Variants in SPNS3 observed in about 807,000 individuals in gnomAD.
SPNS3 encodes protein spinster homolog 3.
In SPNS3, 51 loss-of-function variants were observed where a neutral mutation model predicts 54.4. The observed-to-expected ratio is 0.94, with a 90% CI of 0.75 to 1.18. The LOEUF (loss-of-function observed/expected upper bound fraction) is 1.18. SPNS3 is among the 50% of genes most tolerant of loss of function. SPNS3 has a pLI of 0.00. For missense variants in SPNS3, 669 were observed against 677.4 expected, an observed-to-expected ratio of 0.99 and a Z score of 0.14; for synonymous variants, 309 against 294.7, an observed-to-expected ratio of 1.05 and a Z score of -0.50.
chr17:4,445,261 T>A, intron 3 of SPNS3, 93 bp downstream of exon 3: 1 of 1,313,098 alleles, frequency 7.6e-7, no homozygotes, highest in Non-Finnish European at 1.0e-6. Flanking sequence ...TGGGGACAAT[T>A]CTGCTCCATT....
chr17:4,435,837 C>A (rs1970703014), intron 1 of SPNS3, among the ~76,000 whole-genome samples: 2 of 152,202 alleles, frequency 1.3e-5, no homozygotes, highest in South Asian at 4.1e-4. Flanking sequence ...GAGGCTGAGG[C>A]AGGACAGTCG....
chr17:4,436,108 C>A (rs1426672052), intron 1 of SPNS3, among the ~76,000 whole-genome samples: 2 of 152,174 alleles, frequency 1.3e-5, no homozygotes. Context: ...ATGACCATCT[C>A]ATGGGGCAGA....
At chr17:4,453,925 A>G (rs898542337) in intron 8 of SPNS3, among the ~76,000 whole-genome samples, 2 of 151,932 alleles carry the variant, frequency 1.3e-5, no homozygotes, top group African/African-American at 4.8e-5. Context: ...ATCCCATCAC[A>G]CCCCTTCATG....
intron 2 of SPNS3, among the ~76,000 whole-genome samples, chr17:4,443,404 A>T (rs908387835): frequency 6.6e-6 from 1 of 152,236 alleles, no homozygotes; most frequent in South Asian, 2.1e-4. Flanking sequence ...GATAAAGAAG[A>T]TATGCATAAA....
At chr17:4,469,782 C>A (rs1392162103) in intron 8 of SPNS3, among the ~76,000 whole-genome samples, 2 of 152,124 alleles carry the variant, frequency 1.3e-5, no homozygotes, top group African/African-American at 4.8e-5. Context: ...TCAGTCAAGG[C>A]TGTGAATGCG....
intron 9 of SPNS3, among the ~76,000 whole-genome samples, chr17:4,481,028 C>T (rs1248259800): frequency 1.3e-5 from 2 of 152,066 alleles, no homozygotes; most frequent in Non-Finnish European, 2.9e-5. Context: ...GGGGCAGATG[C>T]CAGCTTGGAG....
chr17:4,448,218 C>G lies in SPNS3; in HGVS notation c.685C>G (p.Arg229Gly). 1 of 1,604,408 alleles carries G rather than the reference C, an allele frequency of 6.2e-7. No homozygotes were observed. Among genetic ancestry groups the G allele is most frequent in the Middle Eastern group, 1.7e-4 (1 of 6,036 alleles). ...LLILLVPDPP[R>G]GAAETQGEGA... ...TATCCTGCTGGTTCCAGACCCACCC[C>G]GGGGAGCTGCCGAGACACAGGGGGA... is the stretch of plus-strand genomic sequence containing the variant. Residue 229 changes from arginine to glycine, a missense_variant, in exon 6 of 12, where the codon CGG becomes GGG. By Grantham distance (125) the Arg-to-Gly change is moderately radical. Coordinates refer to ENST00000355530, the MANE Select transcript of SPNS3 (RefSeq NM_182538.5).
chr17:4,449,379 C>T lies in SPNS3; in HGVS notation c.915C>T (p.Asn305=). 6.3e-7 allele frequency: 1 copy of T among 1,597,328 alleles called. No homozygotes were observed. The highest frequency in any genetic ancestry group is 8.5e-7 in the Non-Finnish European group (1 of 1,176,696). ...CCTGCTTCCAGGAGCCGTGCAGCAA[C>T]CCCGACAGGTGAGGGCATCCGGGGG... ...QPPCFQEPCS[N]PDSLIFGALT... The change falls in exon 7 of 12, where the codon AAC becomes AAT. Residue 305 remains asparagine (N), a synonymous_variant. Coordinates refer to ENST00000355530, the MANE Select transcript of SPNS3 (RefSeq NM_182538.5).
At chr17:4,487,674 A>C in intron 11 of SPNS3, 132 bp from the exon 12 acceptor site, 2 of 804,042 alleles carry the variant, frequency 2.5e-6, no homozygotes. Context: ...GGTGATGACA[A>C]GGGGTTGGAT....
At position 4,434,081 on chromosome 17, in the gene SPNS3, C is replaced by A; in HGVS notation, c.114C>A (p.Ser38Arg). 1 of 1,612,236 alleles carries A rather than the reference C, an allele frequency of 6.2e-7. No homozygotes were observed. Among genetic ancestry groups the A allele is most frequent in the African/African-American group, 1.3e-5 (1 of 74,986 alleles). ...CPPPITPTSW[S>R]LPPWRAYVAA... is the part of the protein sequence containing the mutation. ...CTCCCATCACGCCCACCTCCTGGAG[C>A]CTGCCCCCGTGGAGGGCCTACGTGG... The change falls in exon 1 of 12, where the codon AGC becomes AGA. Residue 38 changes from serine to arginine, a missense_variant. Physicochemically the swap from Ser to Arg is moderately radical, Grantham distance 110. Coordinates refer to ENST00000355530, the MANE Select transcript of SPNS3 (RefSeq NM_182538.5).
At chr17:4,481,802 T>C (rs1376182452) in intron 9 of SPNS3, among the ~76,000 whole-genome samples, 1 of 151,906 alleles carries the variant, frequency 6.6e-6, no homozygotes, top group Non-Finnish European at 1.5e-5. Flanking sequence ...AACTCACACC[T>C]GCGTCCTGCA....
chr17:4,440,232 A>G (rs1166412282), intron 2 of SPNS3, among the ~76,000 whole-genome samples: 4 of 152,182 alleles, frequency 2.6e-5, no homozygotes, highest in African/African-American at 9.6e-5. Context: ...GTCCCATCGC[A>G]ACATCAGAGC....
At chr17:4,438,246 C>T (rs562825814) in intron 1 of SPNS3, among the ~76,000 whole-genome samples, 1 of 152,326 alleles carries the variant, frequency 6.6e-6, no homozygotes, top group African/African-American at 2.4e-5. Flanking sequence ...GGTGTGTGGA[C>T]AGGCTGCCTC....
At chr17:4,445,375 C>CTTT (rs150794166) in intron 3 of SPNS3, among the ~76,000 whole-genome samples, 1 of 142,140 alleles carries the variant, frequency 7.0e-6, no homozygotes, top group Non-Finnish European at 1.5e-5. Context: ...AGCTGGTGGA[C>CTTT]TTTTTTTTTT....
At chr17:4,446,440 T>C (rs1970989574) in intron 4 of SPNS3, among the ~76,000 whole-genome samples, 1 of 152,038 alleles carries the variant, frequency 6.6e-6, no homozygotes, top group African/African-American at 2.4e-5. Context: ...GGATGTGCCG[T>C]ATAGATTCAC....
chr17:4,461,142 TTTATA>T (rs1249932682), intron 8 of SPNS3, among the ~76,000 whole-genome samples: 1 of 152,078 alleles, frequency 6.6e-6, no homozygotes, highest in African/African-American at 2.4e-5. Context: ...CACACAATAG[TTTATA>T]TTATATAACA....
At chr17:4,469,315 G>A (rs1310032685) in intron 8 of SPNS3, among the ~76,000 whole-genome samples, 1 of 151,998 alleles carries the variant, frequency 6.6e-6, no homozygotes, top group African/African-American at 2.4e-5. Flanking sequence ...TGGAACTACT[G>A]GGCTTGAGTG....
rs575228044 is a variant in SPNS3, at chr17:4,486,956, A to T, written c.1450+373A>T. Among the ~76,000 whole-genome samples, 1 of 152,002 alleles carries T rather than the reference A, an allele frequency of 6.6e-6. No individual in the cohort carries two copies. The highest frequency in any genetic ancestry group is 2.4e-5 in the African/African-American group (1 of 41,450). ...GGGGAGGCCAAGGCGGGCGGATTAC[A>T]AGGTTAGGAGTTCAAGACCAGCCTG... On this transcript the variant is annotated intron_variant, in intron 11 of 11. Coordinates refer to ENST00000355530, the MANE Select transcript of SPNS3 (RefSeq NM_182538.5). The surrounding 1 kb of genome is among the most constrained non-coding windows in gnomAD (Gnocchi z 5.5).
At chr17:4,458,633 CTT>C (rs1337605118) in intron 8 of SPNS3, among the ~76,000 whole-genome samples, 1 of 128,014 alleles carries the variant, frequency 7.8e-6, no homozygotes, top group African/African-American at 2.9e-5. Context: ...TTCTTTCTTT[CTT>C]TCTTTCTTTC....
Sources: allele counts gnomAD v4.1 joint callset (sites outside exome capture counted in the v4.1 genomes callset), GRCh38; gene constraint gnomAD v4.1.1; non-coding constraint Gnocchi (gnomAD v3.1); transcripts MANE v1.5; gene names NCBI Gene and HGNC (gene_info 2026-07-23, HGNC 2026-07-21).